The following TAFA5 variants were observed in gnomAD, a reference collection of about 807,000 sequenced individuals.
TAFA5 encodes the protein chemokine-like protein TAFA-5.
In TAFA5, 6 loss-of-function variants were observed where a neutral mutation model predicts 15.3. That is an observed-to-expected ratio of 0.39 (90% CI 0.21 to 0.77). The LOEUF (loss-of-function observed/expected upper bound fraction) is 0.77, where lower values mean the gene tolerates loss of function less well. Ranked by LOEUF, TAFA5 falls within the 30% of genes least tolerant of loss-of-function variation. The pLI, the probability that TAFA5 is intolerant of heterozygous loss-of-function variation, is 0.41. For synonymous variants in TAFA5, 103 were observed against 80.7 expected, an observed-to-expected ratio of 1.28 and a Z score of -1.48; for missense variants, 161 against 193.1, an observed-to-expected ratio of 0.83 and a Z score of 0.98.
intron 1 of TAFA5, among the ~76,000 whole-genome samples, chr22:48,512,067 C>G (rs1569163680): frequency 6.6e-6 from 1 of 152,204 alleles, no homozygotes. Context: ...GGGAAAGTGT[C>G]AAGGGGCCCT....
chr22:48,582,650 C>T (rs1245424881), intron 1 of TAFA5, among the ~76,000 whole-genome samples: 4 of 148,010 alleles, frequency 2.7e-5, no homozygotes, highest in Non-Finnish European at 3.0e-5. Context: ...AAATATACCA[C>T]ACACACCACA....
intron 1 of TAFA5, among the ~76,000 whole-genome samples, chr22:48,508,356 G>C: frequency 6.6e-6 from 1 of 152,214 alleles, no homozygotes; most frequent in Non-Finnish European, 1.5e-5. Context: ...TGGCCAATGT[G>C]GCTACCCCAG....
chr22:48,598,977 C>CG lies in TAFA5; in HGVS notation c.113-47617dup, dbSNP rs144209599. Among the ~76,000 whole-genome samples the CG allele has an allele frequency of 0.025, 3,868 of 152,204 alleles. 147 individuals carry two copies. Among genetic ancestry groups the CG allele is most frequent in the African/African-American group, 0.087 (3,623 of 41,504 alleles). ...TCCCTGCTTGTTGTAAAGGGTATGA[C>CG]GGGCTGTGCCAGCTGGCAGAGGTGC... On this transcript the variant is annotated intron_variant, in intron 1 of 3. Coordinates refer to ENST00000402357, the MANE Select transcript of TAFA5 (RefSeq NM_001082967.3). The surrounding 1 kb of genome is among the most constrained non-coding windows in gnomAD (Gnocchi z 4.0).
chr22:48,592,216 CCTTT>C (rs1012169774), intron 1 of TAFA5, among the ~76,000 whole-genome samples: 27 of 152,146 alleles, frequency 1.8e-4, no homozygotes, highest in African/African-American at 5.6e-4. Flanking sequence ...GTGCCAGCCT[CCTTT>C]CTTTCTATGG....
chr22:48,524,868 C>T (rs73888430), intron 1 of TAFA5, among the ~76,000 whole-genome samples: 3,115 of 152,248 alleles, frequency 0.02, 131 homozygotes, highest in African/African-American at 0.071. Flanking sequence ...GCACCCAGGG[C>T]GTTCCTTCCT....
At chr22:48,657,229 G>A (rs892490372) in intron 2 of TAFA5, among the ~76,000 whole-genome samples, 1 of 152,124 alleles carries the variant, frequency 6.6e-6, no homozygotes, top group African/African-American at 2.4e-5. Flanking sequence ...GAAATAAAAA[G>A]GTTAAAGGGA....
At chr22:48,534,389 T>C (rs574793413) in intron 1 of TAFA5, among the ~76,000 whole-genome samples, 101 of 152,158 alleles carry the variant, frequency 6.6e-4, no homozygotes, top group African/African-American at 2.3e-3. Flanking sequence ...CGGGCGTTCC[T>C]CCGGGGGTCT....
intron 1 of TAFA5, among the ~76,000 whole-genome samples, chr22:48,531,928 G>A (rs1285075025): frequency 1.3e-5 from 2 of 152,202 alleles, no homozygotes; most frequent in Non-Finnish European, 2.9e-5. Context: ...GGCACACCAC[G>A]GACAGGACTT....
At chr22:48,694,952 G>A (rs1045466667) in intron 2 of TAFA5, among the ~76,000 whole-genome samples, 4 of 150,284 alleles carry the variant, frequency 2.7e-5, no homozygotes, top group Admixed American at 1.3e-4. Flanking sequence ...GGGCAGAAAC[G>A]GGAGCCCTGA....
At chr22:48,700,975 G>A (rs130130) in intron 2 of TAFA5, among the ~76,000 whole-genome samples, 86,391 of 151,942 alleles carry the variant, frequency 0.57, 24,806 homozygotes, top group African/African-American at 0.62. Flanking sequence ...TCTGCTTCTC[G>A]TCCCCCAAGT....
chr22:48,634,780 GTCAC>G (rs926432026), intron 1 of TAFA5, among the ~76,000 whole-genome samples: 11 of 135,418 alleles, frequency 8.1e-5, no homozygotes, highest in African/African-American at 2.8e-4. Flanking sequence ...CACTCATTTA[GTCAC>G]TCACTCATTC....
intron 2 of TAFA5, among the ~76,000 whole-genome samples, chr22:48,689,968 C>T (rs987463772): frequency 2.0e-5 from 3 of 152,284 alleles, no homozygotes; most frequent in South Asian, 4.1e-4. Flanking sequence ...CCCTGTACAC[C>T]GCTCTGCCTT....
At position 48,717,502 on chromosome 22, in the gene TAFA5, C is replaced by G. The variant is rs1029585583; in HGVS notation, c.390+9658C>G. On this transcript the variant is annotated intron_variant, in intron 3 of 3. Coordinates refer to ENST00000402357, the MANE Select transcript of TAFA5 (RefSeq NM_001082967.3). Reference sequence around the variant, plus strand: ...TCTAGCAGGAATTCGCAAATGAATTCCAAATATGCAGGCATTCAGGGAGGG... The same window carrying G: ...TCTAGCAGGAATTCGCAAATGAATTGCAAATATGCAGGCATTCAGGGAGGG... Among the ~76,000 whole-genome samples, 3 of 152,202 alleles carry G rather than the reference C, an allele frequency of 2.0e-5. No homozygotes were observed. The South Asian group carries it at 6.2e-4, about 32-fold the overall frequency.
intron 1 of TAFA5, among the ~76,000 whole-genome samples, chr22:48,501,257 G>T (rs759985398): frequency 6.6e-6 from 1 of 152,226 alleles, no homozygotes; most frequent in African/African-American, 2.4e-5. Flanking sequence ...TCTCTCCCGG[G>T]CACCGGGCAC....
rs545646902 is a variant in TAFA5, at chr22:48,546,284, G to A, written c.112+56580G>A. Among the ~76,000 whole-genome samples the A allele has an allele frequency of 2.4e-4, 37 of 152,312 alleles. 3 individuals carry two copies. The East Asian group carries it at 7.0e-3, about 29-fold the overall frequency. On this transcript the variant is annotated intron_variant, in intron 1 of 3. Transcript: ENST00000402357. ...AGCTGAGGCTCCCATGCCGGCGTGC[G>A]CTGACGGCATTGTCAGTCCTCATGT...
intron 1 of TAFA5, among the ~76,000 whole-genome samples, chr22:48,629,806 C>T (rs1414785373): frequency 2.0e-5 from 3 of 152,346 alleles, no homozygotes; most frequent in Middle Eastern, 3.4e-3. Context: ...GTGTCCACAT[C>T]GCCTCTGCAG....
chr22:48,597,831 G>T (rs1265305297), intron 1 of TAFA5, among the ~76,000 whole-genome samples: 1 of 152,266 alleles, frequency 6.6e-6, no homozygotes, highest in Non-Finnish European at 1.5e-5. Context: ...CCCTGGTGAG[G>T]CTGGAAAGTG....
chr22:48,540,442 G>A (rs191437999), intron 1 of TAFA5, among the ~76,000 whole-genome samples: 10 of 152,270 alleles, frequency 6.6e-5, no homozygotes, highest in East Asian at 5.8e-4. Flanking sequence ...AACGATGACC[G>A]ATTACCCGAC....
Position 48,549,581 on chromosome 22 carries a change from A to G in TAFA5, c.112+59877A>G, listed in dbSNP as rs548260091. ...CAGGATGCAGGGACTCAGCAAAAGCAGGCGCAGGTGCCTCCCAAGGGACCA... is the reference window on the plus strand; with the variant it reads ...CAGGATGCAGGGACTCAGCAAAAGCGGGCGCAGGTGCCTCCCAAGGGACCA... On this transcript the variant is annotated intron_variant, in intron 1 of 3. Coordinates refer to ENST00000402357, the MANE Select transcript of TAFA5 (RefSeq NM_001082967.3). Among the ~76,000 whole-genome samples, 172 of 152,350 alleles carry G rather than the reference A, an allele frequency of 1.1e-3. 1 individual carries two copies. The highest frequency in any genetic ancestry group is 4.1e-3 in the African/African-American group (169 of 41,594).
Sources: gnomAD v4.1 joint callset for allele counts (sites outside exome capture counted in the v4.1 genomes callset) on GRCh38, gnomAD v4.1.1 for gene constraint, Gnocchi (gnomAD v3.1) non-coding constraint, MANE v1.5 for transcripts, NCBI Gene and HGNC (gene_info 2026-07-23, HGNC 2026-07-21) for gene names.